CNIH3: variants seen among roughly 807,000 people sequenced by gnomAD.
The protein encoded by CNIH3 is protein cornichon homolog 3.
Under a neutral mutation model 24.1 loss-of-function variants are expected in CNIH3, and 14 were observed. The observed-to-expected ratio is 0.58, with a 90% CI of 0.38 to 0.91. CNIH3 has a LOEUF of 0.91. Ranked by LOEUF, CNIH3 falls within the 40% of genes least tolerant of loss-of-function variation. The probability of loss-of-function intolerance (pLI) is 0.00; values close to 1 mark genes in which losing one functional copy is unlikely to be tolerated. For missense variants in CNIH3, 178 were observed against 196.8 expected, an observed-to-expected ratio of 0.90 and a Z score of 0.57; for synonymous variants, 68 against 73.8, an observed-to-expected ratio of 0.92 and a Z score of 0.40.
rs117349378 is a variant in CNIH3, at chr1:224,626,786, A to G, written c.81+9531A>G. On this transcript the variant is annotated intron_variant, in intron 1 of 5. Coordinates refer to ENST00000272133, the MANE Select transcript of CNIH3 (RefSeq NM_152495.2). ...CCCCATCTCACAGCCCCAACCCCAC[A>G]GGTAGACTTTATTGCACCGTAGATA... Among the ~76,000 whole-genome samples the G allele has an allele frequency of 9.8e-5, 15 of 152,314 alleles. No homozygotes were observed. The East Asian group carries it at 2.9e-3, about 29-fold the overall frequency.
chr1:224,498,808 A>G (rs1023026370), intron 1 of CNIH3, among the ~76,000 whole-genome samples: 1 of 152,252 alleles, frequency 6.6e-6, no homozygotes, highest in African/African-American at 2.4e-5. Flanking sequence ...TCATCAGCCC[A>G]GTGCTGCAAC....
intron 3 of CNIH3, among the ~76,000 whole-genome samples, chr1:224,561,828 T>C (rs1680385582): frequency 6.6e-6 from 1 of 152,140 alleles, no homozygotes; most frequent in South Asian, 2.1e-4. Context: ...TGAGCTCACA[T>C]AGGGTGAGTA....
chr1:224,444,943 CTT>C (rs77862419), intron 1 of CNIH3, among the ~76,000 whole-genome samples: 26 of 136,116 alleles, frequency 1.9e-4, no homozygotes, highest in Admixed American at 4.4e-4. Flanking sequence ...ACGCCCGGCC[CTT>C]TTTTTTTTTT....
At chr1:224,620,036 G>A (rs1683206063) in intron 1 of CNIH3, among the ~76,000 whole-genome samples, 1 of 152,236 alleles carries the variant, frequency 6.6e-6, no homozygotes, top group Non-Finnish European at 1.5e-5. Context: ...AAGGATGGAT[G>A]TGGCCAGCCT....
At chr1:224,477,597 A>G (rs911703504) in intron 1 of CNIH3, among the ~76,000 whole-genome samples, 6 of 152,204 alleles carry the variant, frequency 3.9e-5, no homozygotes, top group Non-Finnish European at 8.8e-5. Flanking sequence ...ATTGTTGTTT[A>G]TATTTTATTA....
chr1:224,676,735 T>C (rs1459519672), intron 1 of CNIH3, among the ~76,000 whole-genome samples: 1 of 152,228 alleles, frequency 6.6e-6, no homozygotes, highest in Non-Finnish European at 1.5e-5. Flanking sequence ...AGTCAGTCCA[T>C]TGCTGATGCT....
intron 1 of CNIH3, among the ~76,000 whole-genome samples, chr1:224,503,621 C>A (rs1304064924): frequency 6.6e-6 from 1 of 152,202 alleles, no homozygotes; most frequent in East Asian, 1.9e-4. Context: ...CCCTCCTAAT[C>A]TTATCCTCAC....
At chr1:224,730,266 A>C in intron 3 of CNIH3, 196 bp from the exon 4 acceptor site, 1 of 550,956 alleles carries the variant, frequency 1.8e-6, no homozygotes. Context: ...GGGTATAATA[A>C]AAAGAGGAGT....
chr1:224,574,302 TG>T (rs1680943327), intron 4 of CNIH3: 1 of 221,608 alleles, frequency 4.5e-6, no homozygotes, highest in African/African-American at 2.3e-5. Context: ...GTGGCTCCAC[TG>T]TCACAGTAAG....
At chr1:224,539,205 A>G (rs1489841327), downstream of CNIH3, among the ~76,000 whole-genome samples, 1 of 152,124 alleles carries the variant, frequency 6.6e-6, no homozygotes, top group African/African-American at 2.4e-5. Context: ...TTTACTTATC[A>G]TGGCTATTAG....
intron 5 of CNIH3, among the ~76,000 whole-genome samples, chr1:224,586,392 C>G (rs1681510038): frequency 2.0e-5 from 3 of 152,178 alleles, no homozygotes; most frequent in Admixed American, 2.0e-4. Flanking sequence ...CTTTTTAAAA[C>G]CATCAGATCA....
At chr1:224,718,499 A>G (rs193289040) in intron 3 of CNIH3, among the ~76,000 whole-genome samples, 1 of 152,302 alleles carries the variant, frequency 6.6e-6, no homozygotes, top group East Asian at 1.9e-4. Flanking sequence ...ATTTCATTCT[A>G]GGAGGAGTGG....
At chr1:224,524,731 C>G (rs1175610133) in intron 2 of CNIH3, among the ~76,000 whole-genome samples, 1 of 152,120 alleles carries the variant, frequency 6.6e-6, no homozygotes, top group Non-Finnish European at 1.5e-5. Context: ...TTATTTTTGC[C>G]TTCAAGTATC....
At chr1:224,738,735 A>G (rs992268818) in intron 5 of CNIH3, among the ~76,000 whole-genome samples, 1 of 152,148 alleles carries the variant, frequency 6.6e-6, no homozygotes, top group Non-Finnish European at 1.5e-5. Context: ...GTATTGGGGC[A>G]ATACTTTAGG....
At chr1:224,567,603 A>T (rs575167640) in intron 4 of CNIH3, among the ~76,000 whole-genome samples, 2 of 152,312 alleles carry the variant, frequency 1.3e-5, no homozygotes, top group Admixed American at 6.5e-5. Flanking sequence ...CACCAACCTA[A>T]ATATAACTTG....
chr1:224,458,789 G>T lies in CNIH3; in HGVS notation n.203+23927G>T, dbSNP rs1675785840. 6.6e-6 allele frequency among the ~76,000 whole-genome samples: 1 copy of T among 152,198 alleles called. No homozygotes were observed. The highest frequency in any genetic ancestry group is 6.5e-5 in the Admixed American group (1 of 15,280). ...CTGGGTAGCTGAGTGCTCAGAGGAA[G>T]ATGCGAGGTATTCAGGGAAAGTGTC... On this transcript the variant is annotated intron_variant and non_coding_transcript_variant, in intron 1 of 5. Coordinates refer to the CNIH3 transcript ENST00000471578. The surrounding 1 kb of genome is among the most constrained non-coding windows in gnomAD (Gnocchi z 4.3).
chr1:224,467,804 T>TC (rs1416773296), intron 1 of CNIH3, among the ~76,000 whole-genome samples: 2 of 151,912 alleles, frequency 1.3e-5, no homozygotes, highest in South Asian at 2.1e-4. Flanking sequence ...TTTTTTTTTT[T>TC]CCAAAAGTTT....
intron 4 of CNIH3, among the ~76,000 whole-genome samples, chr1:224,573,670 T>G (rs2125003811): frequency 6.6e-6 from 1 of 152,316 alleles, no homozygotes; most frequent in African/African-American, 2.4e-5. Context: ...ACACCCCATA[T>G]CAGAACTCAA....
chr1:224,502,802 C>G (rs1257762982), intron 1 of CNIH3, among the ~76,000 whole-genome samples: 1 of 152,220 alleles, frequency 6.6e-6, no homozygotes, highest in Non-Finnish European at 1.5e-5. Flanking sequence ...TATCCCTTCT[C>G]TAACCACTGA....
Sources: allele counts gnomAD v4.1 joint callset (sites outside exome capture counted in the v4.1 genomes callset), GRCh38; gene constraint gnomAD v4.1.1; non-coding constraint Gnocchi (gnomAD v3.1); transcripts MANE v1.5; gene names NCBI Gene and HGNC (gene_info 2026-07-23, HGNC 2026-07-21).